The following DAB1 variants were observed in gnomAD, a reference collection of about 807,000 sequenced individuals.
DAB1 encodes disabled homolog 1.
In DAB1, 15 loss-of-function variants were observed where a neutral mutation model predicts 64.6. The observed-to-expected ratio is 0.23, with a 90% CI of 0.16 to 0.36. DAB1 has a LOEUF of 0.36. DAB1 is among the 10% of genes least tolerant of loss of function. The pLI is 1.00. For synonymous variants in DAB1, 235 were observed against 251.9 expected (o/e 0.93, Z 0.64); for missense variants, 596 against 706.7 (o/e 0.84, Z 1.78).
intron 1 of DAB1, among the ~76,000 whole-genome samples, chr1:57,323,743 T>C (rs1371084429): frequency 1.3e-5 from 2 of 152,106 alleles, no homozygotes; most frequent in Non-Finnish European, 2.9e-5. Flanking sequence ...TAAATTCCAG[T>C]ATTTATTTTG....
chr1:57,838,516 A>C (rs1652911246), intron 1 of DAB1, among the ~76,000 whole-genome samples: 5 of 152,150 alleles, frequency 3.3e-5, no homozygotes, highest in Admixed American at 6.5e-5. Flanking sequence ...ATTCTTCCAA[A>C]GTGTTGCAAA....
chr1:57,587,936 T>C (rs1310166591), intron 7 of DAB1, among the ~76,000 whole-genome samples: 1 of 152,232 alleles, frequency 6.6e-6, no homozygotes, highest in Non-Finnish European at 1.5e-5. Flanking sequence ...TTTTTGGACC[T>C]ACACTTTCAG....
chr1:57,359,728 T>C (rs1180670225), intron 1 of DAB1, among the ~76,000 whole-genome samples: 6 of 152,066 alleles, frequency 3.9e-5, no homozygotes, highest in African/African-American at 1.2e-4. Context: ...AAATGTGGTA[T>C]ATACACAATG....
upstream of DAB1, among the ~76,000 whole-genome samples, chr1:57,886,942 T>C (rs1388307610): frequency 6.6e-6 from 1 of 152,238 alleles, no homozygotes; most frequent in Non-Finnish European, 1.5e-5. Context: ...AATGGTAAGT[T>C]TGGAAAATGT....
At chr1:57,488,367 A>T (rs1255433171) in intron 7 of DAB1, among the ~76,000 whole-genome samples, 1 of 145,790 alleles carries the variant, frequency 6.9e-6, no homozygotes, top group African/African-American at 2.6e-5. Context: ...GTGCCACTGC[A>T]CTCCAGCCTG....
rs545027888 is a variant in DAB1, at chr1:58,383,076, G to A, written n.258-39673C>T. Among the ~76,000 whole-genome samples, 23 of 135,294 alleles carry A rather than the reference G, an allele frequency of 1.7e-4. No homozygotes were observed. In the South Asian group the frequency reaches 4.6e-3, roughly 27 times the overall value. 88.8% of individuals were successfully genotyped at this position (135,294 alleles called of 152,430 possible). On this transcript the variant is annotated intron_variant and non_coding_transcript_variant, in intron 3 of 20. Coordinates refer to the DAB1 transcript ENST00000485760. ...TACAAGAGCATAAGAACAGGAATGA[G>A]CCAGTAGTATTTTCACTATACATAA... is the stretch of plus-strand genomic sequence containing the variant.
chr1:57,385,986 G>T (rs1041095146), intron 1 of DAB1, among the ~76,000 whole-genome samples: 1 of 152,128 alleles, frequency 6.6e-6, no homozygotes. Context: ...AACAGCAAAG[G>T]TTTCCATCCA....
intron 3 of DAB1, among the ~76,000 whole-genome samples, chr1:58,499,477 T>TCTAG (rs143536842): frequency 7.0e-6 from 1 of 143,662 alleles, no homozygotes. Flanking sequence ...AAAGCCAGAC[T>TCTAG]ATAGATAGAT....
chr1:57,008,944 G>A (rs778921360), intron 14 of DAB1, among the ~76,000 whole-genome samples: 6 of 152,202 alleles, frequency 3.9e-5, no homozygotes, highest in Non-Finnish European at 7.3e-5. Flanking sequence ...CAGCTCAGCT[G>A]TGGCTTGGGG....
At chr1:57,393,136 G>T (rs1479481634) in intron 1 of DAB1, among the ~76,000 whole-genome samples, 3 of 152,130 alleles carry the variant, frequency 2.0e-5, no homozygotes, top group Non-Finnish European at 4.4e-5. Flanking sequence ...TTTCCTCTCT[G>T]TGTGACCTGA....
intron 1 of DAB1, among the ~76,000 whole-genome samples, chr1:58,540,617 C>A (rs1646591197): frequency 1.3e-5 from 2 of 148,584 alleles, no homozygotes; most frequent in African/African-American, 5.0e-5. Flanking sequence ...CTAGATGAGA[C>A]TAACAGCAGA....
chr1:57,195,427 T>A (rs1395003729), intron 2 of DAB1, among the ~76,000 whole-genome samples: 1 of 152,262 alleles, frequency 6.6e-6, no homozygotes, highest in Non-Finnish European at 1.5e-5. Flanking sequence ...TATACAAGGC[T>A]GAGCATTTAA....
chr1:58,144,243 G>A (rs1654466003), intron 5 of DAB1, among the ~76,000 whole-genome samples: 1 of 152,180 alleles, frequency 6.6e-6, no homozygotes, highest in Admixed American at 6.5e-5. Context: ...AATGCCCTAG[G>A]AGGAGTTCAT....
At chr1:58,519,992 G>T (rs1646236587) in intron 2 of DAB1, among the ~76,000 whole-genome samples, 1 of 152,174 alleles carries the variant, frequency 6.6e-6, no homozygotes, top group African/African-American at 2.4e-5. Context: ...GACAGTCAGA[G>T]GTTAAGTGAT....
At chr1:57,961,424 C>G (rs1209104079) in intron 5 of DAB1, among the ~76,000 whole-genome samples, 1 of 152,094 alleles carries the variant, frequency 6.6e-6, no homozygotes, top group Non-Finnish European at 1.5e-5. Context: ...TTGGACACAT[C>G]AGGCTTTCCA....
intron 7 of DAB1, among the ~76,000 whole-genome samples, chr1:57,506,311 G>A (rs1644342971): frequency 6.6e-6 from 1 of 152,128 alleles, no homozygotes; most frequent in Non-Finnish European, 1.5e-5. Flanking sequence ...AATGAAACTT[G>A]GAGAAGAAAT....
At chr1:57,713,789 C>T (rs1647052742) in intron 6 of DAB1, among the ~76,000 whole-genome samples, 1 of 152,132 alleles carries the variant, frequency 6.6e-6, no homozygotes. Context: ...AACACTCATC[C>T]CATGTTTTAG....
chr1:57,574,643 G>A (rs1570640945), intron 7 of DAB1, among the ~76,000 whole-genome samples: 1 of 152,260 alleles, frequency 6.6e-6, no homozygotes, highest in South Asian at 2.1e-4. Flanking sequence ...GGTAATCAAG[G>A]TAGCTATAGA....
At chr1:57,016,698 A>G (rs925411379) in intron 11 of DAB1, among the ~76,000 whole-genome samples, 2 of 114,768 alleles carry the variant, frequency 1.7e-5, no homozygotes, top group African/African-American at 3.4e-5. Context: ...ACGTATTACC[A>G]TGATAATTGT....
Sources: allele counts gnomAD v4.1 joint callset (sites outside exome capture counted in the v4.1 genomes callset), GRCh38; gene constraint gnomAD v4.1.1; transcripts MANE v1.5; gene names NCBI Gene and HGNC (gene_info 2026-07-23, HGNC 2026-07-21).